Variants in MYRIP observed in about 807,000 individuals in gnomAD.
The protein encoded by MYRIP is myosin VIIA and Rab interacting protein.
In MYRIP, 49 loss-of-function variants were observed where a neutral mutation model predicts 98.0. That is an observed-to-expected ratio of 0.50 (90% CI 0.40 to 0.63). The LOEUF (loss-of-function observed/expected upper bound fraction) is 0.63. Ranked by LOEUF, MYRIP falls within the 30% of genes least tolerant of loss-of-function variation. MYRIP has a pLI of 0.00. For missense variants in MYRIP, 1,004 were observed against 1,058.2 expected (o/e 0.95, Z 0.71); for synonymous variants, 404 against 409.5 (o/e 0.99, Z 0.16).
chr3:39,889,509 T>C (rs1167382017), intron 1 of MYRIP, among the ~76,000 whole-genome samples: 1 of 151,980 alleles, frequency 6.6e-6, no homozygotes. Flanking sequence ...AAGGGGAACA[T>C]CACACTCTGG....
rs1448182721 is a variant in MYRIP, at chr3:40,233,856, C to T, written c.1906-3C>T. 2 of 1,611,002 alleles carry T rather than the reference C, an allele frequency of 1.2e-6. No homozygotes were observed. Among genetic ancestry groups the T allele is most frequent in the East Asian group, 2.2e-5 (1 of 44,792 alleles). On this transcript the variant is annotated splice_region_variant and splice_polypyrimidine_tract_variant and intron_variant, in intron 11 of 16. Transcript: ENST00000302541. ...TGTCCCCTTCTGTTATCGGACCAAA[C>T]AGAAGTTTTCTGCTGTTTCTCTCTG...
chr3:40,165,159 C>T lies in MYRIP; in HGVS notation c.551-1687C>T, dbSNP rs550440531. Among the ~76,000 whole-genome samples, 4 of 152,236 alleles carry T rather than the reference C, an allele frequency of 2.6e-5. No homozygotes were observed. The East Asian group carries it at 7.7e-4, about 29-fold the overall frequency. On this transcript the variant is annotated intron_variant, in intron 5 of 16. Coordinates refer to ENST00000302541, the MANE Select transcript of MYRIP (RefSeq NM_015460.4). ...GATGACAACTTATATCGCATAGGCT[C>T]TAGTTATCAAAACATTGGAAAGACT...
chr3:39,958,051 C>T (rs1339671071), intron 2 of MYRIP, among the ~76,000 whole-genome samples: 2 of 152,152 alleles, frequency 1.3e-5, no homozygotes, highest in Non-Finnish European at 2.9e-5. Flanking sequence ...AATGGAAGAA[C>T]ATTCCATGCT....
At chr3:40,129,161 G>A (rs1949583396) in intron 3 of MYRIP, among the ~76,000 whole-genome samples, 1 of 151,752 alleles carries the variant, frequency 6.6e-6, no homozygotes, top group African/African-American at 2.4e-5. Context: ...TCATGACTGG[G>A]CACAGTGGCT....
intron 2 of MYRIP, among the ~76,000 whole-genome samples, chr3:40,034,042 C>G (rs1391419722): frequency 6.6e-6 from 1 of 152,136 alleles, no homozygotes; most frequent in Non-Finnish European, 1.5e-5. Context: ...AAACTGGATC[C>G]TTTCCTTACA....
At chr3:40,112,328 G>A (rs1457554323) in intron 3 of MYRIP, among the ~76,000 whole-genome samples, 1 of 151,922 alleles carries the variant, frequency 6.6e-6, no homozygotes, top group East Asian at 1.9e-4. Context: ...AAGGAGGAAG[G>A]GACAAATAAG....
chr3:40,127,996 T>C (rs773406369), intron 3 of MYRIP, among the ~76,000 whole-genome samples: 2 of 152,216 alleles, frequency 1.3e-5, no homozygotes, highest in African/African-American at 2.4e-5. Context: ...CAATTGTCTA[T>C]ATTAGAGTCC....
At chr3:40,009,014 T>C (rs1946696323) in intron 2 of MYRIP, among the ~76,000 whole-genome samples, 1 of 152,120 alleles carries the variant, frequency 6.6e-6, no homozygotes, top group Non-Finnish European at 1.5e-5. Flanking sequence ...TGACAGGACT[T>C]ACTGTCACAG....
At chr3:39,931,594 G>A (rs1451908420) in intron 2 of MYRIP, among the ~76,000 whole-genome samples, 1 of 151,934 alleles carries the variant, frequency 6.6e-6, no homozygotes, top group Non-Finnish European at 1.5e-5. Context: ...TTTTTATCTT[G>A]GCAGGGGGGA....
intron 2 of MYRIP, among the ~76,000 whole-genome samples, chr3:39,918,389 C>A (rs746390802): frequency 2.6e-5 from 4 of 152,198 alleles, no homozygotes; most frequent in African/African-American, 4.8e-5. Flanking sequence ...CCTGAATGCT[C>A]ATGTGTGGTC....
At chr3:40,086,451 G>A (rs1307010790) in intron 3 of MYRIP, among the ~76,000 whole-genome samples, 16 of 152,256 alleles carry the variant, frequency 1.1e-4, no homozygotes, top group Admixed American at 1.0e-3. Context: ...CGCACTTCGG[G>A]CAGGCTCCTC....
intron 2 of MYRIP, among the ~76,000 whole-genome samples, chr3:39,996,128 G>C (rs1007654428): frequency 1.6e-4 from 25 of 152,046 alleles, no homozygotes; most frequent in Admixed American, 6.6e-4. Context: ...CATCAACTAA[G>C]GAGCAAAATA....
Position 39,809,768 on chromosome 3 carries a change from C to A in MYRIP, c.-179C>A, listed in dbSNP as rs1396549106. ...CTGCAGCCCAGCTTTAGCGCGCAGA[C>A]CGACCCGCGCCCCTTCTTCGCCGCC... On this transcript the variant is annotated 5_prime_UTR_variant, in exon 1 of 17. Transcript: ENST00000302541. The A allele has an allele frequency of 2.0e-5, 3 of 152,242 alleles. No homozygotes were observed. Among genetic ancestry groups the A allele is most frequent in the Non-Finnish European group, 4.4e-5 (3 of 68,058 alleles). The allele number at this position is 152,242 out of a possible 1,614,324, so 9.4% of individuals were successfully genotyped here. A position where few individuals can be genotyped will look rare whatever the true frequency, so the allele number is the denominator to read the frequency against.
chr3:40,091,403 G>T (rs531713936), intron 3 of MYRIP, among the ~76,000 whole-genome samples: 5 of 151,454 alleles, frequency 3.3e-5, no homozygotes, highest in African/African-American at 1.2e-4. Flanking sequence ...GTAGAAGAGG[G>T]TCTGGCTATG....
intron 9 of MYRIP, among the ~76,000 whole-genome samples, chr3:40,183,467 C>G (rs1194256023): frequency 6.6e-6 from 1 of 152,200 alleles, no homozygotes; most frequent in Non-Finnish European, 1.5e-5. Flanking sequence ...CGTAATCCCT[C>G]AAAATGAAGG....
At chr3:40,231,859 A>C (rs1362296057) in intron 11 of MYRIP, among the ~76,000 whole-genome samples, 1 of 152,168 alleles carries the variant, frequency 6.6e-6, no homozygotes, top group African/African-American at 2.4e-5. Flanking sequence ...ATTTTTCTAA[A>C]CACGTTTTAT....
At chr3:40,105,827 AACTC>A (rs1311622889) in intron 3 of MYRIP, among the ~76,000 whole-genome samples, 2 of 152,096 alleles carry the variant, frequency 1.3e-5, no homozygotes, top group African/African-American at 4.8e-5. Flanking sequence ...ATTTCATGAG[AACTC>A]ACTCACTATC....
intron 3 of MYRIP, among the ~76,000 whole-genome samples, chr3:40,108,983 T>C (rs781653849): frequency 6.6e-6 from 1 of 152,192 alleles, no homozygotes; most frequent in Non-Finnish European, 1.5e-5. Context: ...AGGTACCAGA[T>C]AGAGACAATC....
At chr3:39,881,222 C>A (rs573740655) in intron 1 of MYRIP, among the ~76,000 whole-genome samples, 2 of 135,356 alleles carry the variant, frequency 1.5e-5, no homozygotes, top group African/African-American at 5.3e-5. Flanking sequence ...CCCATTTCTT[C>A]TGTTATCCTG....
Sources: allele counts gnomAD v4.1 joint callset (sites outside exome capture counted in the v4.1 genomes callset), GRCh38; gene constraint gnomAD v4.1.1; transcripts MANE v1.5; gene names NCBI Gene and HGNC (gene_info 2026-07-23, HGNC 2026-07-21).